The following SUDS3 variants were observed in gnomAD, a reference collection of about 807,000 sequenced individuals.
SUDS3 encodes SIN3A corepressor complex component SDS3, also known as sin3 histone deacetylase corepressor complex component SDS3.
A neutral mutation model predicts 53.5 loss-of-function variants in SUDS3; 23 were observed. That is an observed-to-expected ratio of 0.43 (90% CI 0.31 to 0.61). The LOEUF (loss-of-function observed/expected upper bound fraction) is 0.61. SUDS3 is among the 20% of genes least tolerant of loss of function. The pLI is 0.10. For synonymous variants in SUDS3, 150 were observed against 148.5 expected (o/e 1.01, Z -0.08); for missense variants, 291 against 405.9 (o/e 0.72, Z 2.43).
rs78742355 is a variant in SUDS3 at position 118,391,711 on chromosome 12, G to GT, written c.517+436dup. Among the ~76,000 whole-genome samples, 47 of 152,248 alleles carry GT rather than the reference G, an allele frequency of 3.1e-4. No individual in the cohort carries two copies. The East Asian group carries it at 8.1e-3, about 26-fold the overall frequency. On this transcript the variant is annotated intron_variant, in intron 6 of 11. Transcript: ENST00000543473. ...TGTGGTGATGGGAATCCCTCGCTTT[G>GT]TTTTTTTCCAGTCTGCCTTAATTAC...
rs572108038 is a variant in SUDS3, at chr12:118,391,088, G to A, written c.361-38G>A. The A allele has an allele frequency of 8.1e-6, 13 of 1,610,132 alleles. No individual in the cohort carries two copies. The African/African-American group carries it at 1.5e-4, about 18-fold the overall frequency. On this transcript the variant is annotated intron_variant, in intron 5 of 11. Transcript: ENST00000543473. ...TTTGAGTTGGAGCCCTGGCTCCCAG[G>A]GCTGTGTACTCCCAGCCCGTGTTTC...
At chr12:118,387,081 C>T (rs1045341273) in intron 4 of SUDS3, among the ~76,000 whole-genome samples, 1 of 152,162 alleles carries the variant, frequency 6.6e-6, no homozygotes, top group Non-Finnish European at 1.5e-5. Flanking sequence ...CACTGTGTCT[C>T]CTCAGTGAGA....
chr12:118,388,672 G>T (rs947196695), intron 4 of SUDS3, among the ~76,000 whole-genome samples: 2 of 152,142 alleles, frequency 1.3e-5, no homozygotes, highest in African/African-American at 2.4e-5. Flanking sequence ...TCAGGAGGGG[G>T]CTGCATTCAG....
intron 10 of SUDS3, among the ~76,000 whole-genome samples, chr12:118,406,566 A>G (rs944837453): frequency 6.6e-6 from 1 of 152,158 alleles, no homozygotes; most frequent in Non-Finnish European, 1.5e-5. Flanking sequence ...TAAGAACTTA[A>G]TTGTAGAGAT....
chr12:118,401,933 G>A, intron 8 of SUDS3, 50 bp from the exon 9 acceptor site: 1 of 1,611,412 alleles, frequency 6.2e-7, no homozygotes, highest in South Asian at 1.1e-5. Flanking sequence ...ACCTGAAGTT[G>A]CACCTGAAAT....
At chr12:118,378,274 C>G (rs913697571) in intron 1 of SUDS3, among the ~76,000 whole-genome samples, 12 of 152,130 alleles carry the variant, frequency 7.9e-5, no homozygotes, top group Non-Finnish European at 1.0e-4. Flanking sequence ...TTATTTGTGT[C>G]AGATTCCCCT....
intron 3 of SUDS3, among the ~76,000 whole-genome samples, chr12:118,385,444 G>T (rs1415058052): frequency 6.6e-6 from 1 of 152,088 alleles, no homozygotes; most frequent in Non-Finnish European, 1.5e-5. Flanking sequence ...TTTTATTGCT[G>T]GTGAGTGATC....
At chr12:118,380,072 G>T in intron 1 of SUDS3, 90 bp from the exon 2 acceptor site, 1 of 992,144 alleles carries the variant, frequency 1.0e-6, no homozygotes, top group South Asian at 1.4e-5. Context: ...TTGATTTTAC[G>T]GGAGTTTATT....
In SUDS3 at chr12:118,403,410, A is replaced by C. The variant is rs749405891; in HGVS notation, c.698-2A>C. ...AGTCACGTAAGTATTGGTTTCCTCC[A>C]GCATCTCCATCCTCTCCTGAGCACT... On this transcript the variant is annotated splice_acceptor_variant, in intron 9 of 11. Transcript: ENST00000543473. LOFTEE classifies it high-confidence loss of function. The C allele has an allele frequency of 6.2e-7, 1 of 1,612,714 alleles. No individual in the cohort carries two copies. The highest frequency in any genetic ancestry group is 8.5e-7 in the Non-Finnish European group (1 of 1,179,324).
intron 6 of SUDS3, among the ~76,000 whole-genome samples, chr12:118,394,708 CAG>C (rs1359103048): frequency 1.3e-5 from 2 of 152,150 alleles, no homozygotes; most frequent in African/African-American, 4.8e-5. Flanking sequence ...TATTTAAAGA[CAG>C]GGTCTCACTC....
intron 10 of SUDS3, among the ~76,000 whole-genome samples, chr12:118,408,652 A>G (rs557311109): frequency 5.9e-5 from 9 of 151,568 alleles, no homozygotes; most frequent in African/African-American, 2.2e-4. Context: ...TGTATGTTTT[A>G]TCATAAACAC....
chr12:118,407,288 G>A (rs1007874220), intron 10 of SUDS3, among the ~76,000 whole-genome samples: 1 of 152,186 alleles, frequency 6.6e-6, no homozygotes, highest in Non-Finnish European at 1.5e-5. Flanking sequence ...ATCGTGTAGT[G>A]CATGAGGATC....
chr12:118,382,876 C>T (rs1171598006), intron 2 of SUDS3, among the ~76,000 whole-genome samples: 1 of 151,812 alleles, frequency 6.6e-6, no homozygotes, highest in African/African-American at 2.4e-5. Context: ...CCATGTTGGC[C>T]AGGTTGGTCT....
At chr12:118,387,727 T>G (rs1199306518) in intron 4 of SUDS3, among the ~76,000 whole-genome samples, 1 of 152,104 alleles carries the variant, frequency 6.6e-6, no homozygotes, top group East Asian at 1.9e-4. Context: ...AATTTTGTAT[T>G]TTTAGTAGAG....
chr12:118,403,735 C>G (rs779321740), intron 10 of SUDS3, among the ~76,000 whole-genome samples: 3 of 152,316 alleles, frequency 2.0e-5, no homozygotes, highest in Middle Eastern at 3.4e-3. Flanking sequence ...GCTCCCCTTC[C>G]TTCTCCATTC....
chr12:118,398,712 C>G (rs944103554), intron 6 of SUDS3, among the ~76,000 whole-genome samples: 1 of 150,782 alleles, frequency 6.6e-6, no homozygotes, highest in Non-Finnish European at 1.5e-5. Context: ...GCTGCCCTGC[C>G]TGTTCTGCTG....
intron 10 of SUDS3, among the ~76,000 whole-genome samples, chr12:118,407,995 G>T (rs943036079): frequency 2.6e-5 from 4 of 151,936 alleles, no homozygotes; most frequent in Non-Finnish European, 5.9e-5. Context: ...TCCGCCTCCC[G>T]AGTTCAAGCT....
intron 10 of SUDS3, among the ~76,000 whole-genome samples, chr12:118,406,173 ATAAC>A (rs2046306736): frequency 1.3e-5 from 2 of 152,370 alleles, no homozygotes; most frequent in East Asian, 1.9e-4. Context: ...ATATTTGAAA[ATAAC>A]TAATTGATGG....
chr12:118,416,761 C>G lies in SUDS3; in HGVS notation c.*2328C>G, dbSNP rs2046404291. On this transcript the variant is annotated 3_prime_UTR_variant, in exon 12 of 12. Coordinates refer to ENST00000543473, the MANE Select transcript of SUDS3 (RefSeq NM_022491.3). ...GGGGTACTTCTGTGGTGGGCAGAAG[C>G]CTTACTAAAGGGGAAGACAGACTTT... 1 of 152,142 alleles carries G rather than the reference C, an allele frequency of 6.6e-6. No homozygotes were observed. The highest frequency in any genetic ancestry group is 1.5e-5 in the Non-Finnish European group (1 of 68,036). 9.4% of individuals were successfully genotyped at this position (152,142 alleles called of 1,614,324 possible).
Sources: allele counts gnomAD v4.1 joint callset (sites outside exome capture counted in the v4.1 genomes callset), GRCh38; gene constraint gnomAD v4.1.1; transcripts MANE v1.5; gene names NCBI Gene and HGNC (gene_info 2026-07-23, HGNC 2026-07-21).